Variants in ESR1 observed in about 807,000 individuals in gnomAD.
ESR1 encodes the protein estrogen receptor 1.
Under a neutral mutation model 52.7 loss-of-function variants are expected in ESR1, and 12 were observed. The ratio of observed to expected loss-of-function variants is 0.23; its 90% CI spans 0.15 to 0.37. The LOEUF is 0.37. Among genes scored for constraint, ESR1 ranks in the 10% least tolerant of loss-of-function variants. The pLI, the probability that ESR1 is intolerant of heterozygous loss-of-function variation, is 1.00. For synonymous variants in ESR1, 305 were observed against 316.8 expected, an observed-to-expected ratio of 0.96 and a Z score of 0.39; for missense variants, 584 against 779.7, an observed-to-expected ratio of 0.75 and a Z score of 2.99.
chr6:151,765,829 T>G (rs1438820646), intron 2 of ESR1, among the ~76,000 whole-genome samples: 1 of 152,200 alleles, frequency 6.6e-6, no homozygotes, highest in Non-Finnish European at 1.5e-5. Flanking sequence ...GTCCAGGATA[T>G]TACTCATTCC....
chr6:152,093,766 A>G (rs1484499654), intron 6 of ESR1, among the ~76,000 whole-genome samples: 2 of 152,200 alleles, frequency 1.3e-5, no homozygotes, highest in Non-Finnish European at 1.5e-5. Flanking sequence ...TTAGACTTCA[A>G]ACTTGATCTA....
intron 1 of ESR1, among the ~76,000 whole-genome samples, chr6:151,674,744 C>G (rs572624718): frequency 9.8e-5 from 15 of 152,292 alleles, no homozygotes; most frequent in African/African-American, 3.6e-4. Flanking sequence ...GACGGTATTT[C>G]ATTGTGGTTT....
chr6:152,111,213 AG>A, intron 6 of ESR1, among the ~76,000 whole-genome samples: 1 of 152,316 alleles, frequency 6.6e-6, no homozygotes, highest in East Asian at 1.9e-4. Context: ...CTGACAAACT[AG>A]GAACTGTCAC....
chr6:151,746,630 G>A (rs1016130879), intron 2 of ESR1, among the ~76,000 whole-genome samples: 1 of 152,204 alleles, frequency 6.6e-6, no homozygotes, highest in Admixed American at 6.5e-5. Flanking sequence ...TATCTTAACT[G>A]AGTCTGATTT....
intron 5 of ESR1, among the ~76,000 whole-genome samples, chr6:152,020,430 AGT>A (rs2043538268): frequency 6.6e-6 from 1 of 151,954 alleles, no homozygotes; most frequent in African/African-American, 2.4e-5. Context: ...CTATGACAAC[AGT>A]TCTTATTTTT....
intron 3 of ESR1, among the ~76,000 whole-genome samples, chr6:151,915,744 G>A (rs9397453): frequency 0.045 from 6,802 of 152,132 alleles, 394 homozygotes; most frequent in African/African-American, 0.13. Context: ...TATCTTACCT[G>A]GATTTAAGAC....
chr6:151,723,090 A>G (rs1781576004), intron 2 of ESR1, among the ~76,000 whole-genome samples: 2 of 152,194 alleles, frequency 1.3e-5, no homozygotes, highest in Non-Finnish European at 2.9e-5. Flanking sequence ...TCCTGTTTAG[A>G]CTTCTAAAAT....
chr6:151,724,116 A>G (rs1160091899), intron 2 of ESR1, among the ~76,000 whole-genome samples: 2 of 152,090 alleles, frequency 1.3e-5, no homozygotes, highest in Admixed American at 6.6e-5. Flanking sequence ...GGGACCCCAG[A>G]TAGGCTTGGG....
downstream of ESR1, among the ~76,000 whole-genome samples, chr6:152,104,532 GT>G (rs1212885506): frequency 6.6e-6 from 1 of 152,042 alleles, no homozygotes; most frequent in East Asian, 1.9e-4. Context: ...CGTTATTATC[GT>G]TTTGTACATG....
At chr6:151,977,207 G>A (rs1166692643) in intron 4 of ESR1, among the ~76,000 whole-genome samples, 1 of 152,088 alleles carries the variant, frequency 6.6e-6, no homozygotes. Context: ...ATTTTGACTG[G>A]CATGTAATCC....
chr6:151,702,847 C>T (rs1779898195), intron 2 of ESR1, among the ~76,000 whole-genome samples: 1 of 152,158 alleles, frequency 6.6e-6, no homozygotes. Flanking sequence ...TCACCATTGC[C>T]TAGAAGCCAA....
At chr6:152,114,003 A>C (rs1015442156) in intron 6 of ESR1, among the ~76,000 whole-genome samples, 10 of 152,178 alleles carry the variant, frequency 6.6e-5, no homozygotes, top group African/African-American at 2.2e-4. Flanking sequence ...GGATTTTATA[A>C]ATGTCCAGAT....
At chr6:152,077,372 G>A (rs992154070) in intron 6 of ESR1, among the ~76,000 whole-genome samples, 7 of 152,138 alleles carry the variant, frequency 4.6e-5, no homozygotes, top group East Asian at 1.9e-4. Flanking sequence ...TGCTGCAGAG[G>A]TGGGGCCCTC....
chr6:152,078,995 G>A (rs562916971), intron 6 of ESR1, among the ~76,000 whole-genome samples: 2 of 152,334 alleles, frequency 1.3e-5, no homozygotes, highest in Admixed American at 1.3e-4. Flanking sequence ...GAACTGGGCA[G>A]AGCCCACCTC....
chr6:152,067,735 G>A (rs1419330290), intron 6 of ESR1, among the ~76,000 whole-genome samples: 2 of 152,144 alleles, frequency 1.3e-5, no homozygotes, highest in African/African-American at 2.4e-5. Flanking sequence ...GCTAATGCAG[G>A]AGAATCACTT....
intron 3 of ESR1, among the ~76,000 whole-genome samples, chr6:151,898,384 AT>A (rs371510396): frequency 0.12 from 12,582 of 101,098 alleles, 551 homozygotes; most frequent in East Asian, 0.29. Context: ...GGTTTTGTTC[AT>A]TTTTTTTTTT....
intron 4 of ESR1, among the ~76,000 whole-genome samples, chr6:152,006,895 G>A: frequency 6.6e-6 from 1 of 151,962 alleles, no homozygotes; most frequent in East Asian, 1.9e-4. Context: ...TTTGTAAATA[G>A]CACTCCTCAG....
chr6:152,031,051 C>T (rs1409699011), intron 5 of ESR1, among the ~76,000 whole-genome samples: 1 of 152,010 alleles, frequency 6.6e-6, no homozygotes, highest in Non-Finnish European at 1.5e-5. Flanking sequence ...GGGTACATAA[C>T]GAAATGAAGG....
intron 1 of ESR1, among the ~76,000 whole-genome samples, chr6:151,829,070 C>A (rs1361337350): frequency 6.6e-6 from 1 of 152,322 alleles, no homozygotes; most frequent in Admixed American, 6.5e-5. Context: ...TTTAAGAATT[C>A]GGCCTTGCCA....
Sources: gnomAD v4.1 joint callset for allele counts (sites outside exome capture counted in the v4.1 genomes callset) on GRCh38, gnomAD v4.1.1 for gene constraint, MANE v1.5 for transcripts, NCBI Gene and HGNC (gene_info 2026-07-23, HGNC 2026-07-21) for gene names.